USP53: variants seen among roughly 807,000 people sequenced by gnomAD.
The protein encoded by USP53 is ubiquitin carboxyl-terminal hydrolase 53.
USP53 carries 71 observed loss-of-function variants against 94.9 expected under a neutral mutation model. That is an observed-to-expected ratio of 0.75 (90% CI 0.62 to 0.91). The LOEUF is 0.91. Ranked by LOEUF, USP53 falls within the 40% of genes least tolerant of loss-of-function variation. USP53 has a pLI of 0.00. For synonymous variants in USP53, 375 were observed against 422.7 expected (o/e 0.89, Z 1.39); for missense variants, 1,173 against 1,281.0 (o/e 0.92, Z 1.29).
intron 17 of USP53, among the ~76,000 whole-genome samples, chr4:119,274,367 G>C (rs201394462): frequency 2.6e-5 from 4 of 151,414 alleles, no homozygotes; most frequent in South Asian, 4.2e-4. Flanking sequence ...CTGTTCTTGA[G>C]ATAGTTTACT....
At position 119,215,614 on chromosome 4, in the gene USP53, AT is replaced by A. The variant is rs577852648; in HGVS notation, c.-789+1401del. Among the ~76,000 whole-genome samples the A allele has an allele frequency of 7.0e-3, 1,056 of 150,538 alleles. 4 individuals carry two copies. The highest frequency in any genetic ancestry group is 0.012 in the Non-Finnish European group (793 of 67,554). On this transcript the variant is annotated intron_variant, in intron 2 of 18. Transcript: ENST00000692078. ...AATTGGTTTTCTTTGTGATCTTAGT[AT>A]TTTTTTTTCTTTTTCTTTTTTTTAT...
At position 119,239,765 on chromosome 4, in the gene USP53, A is replaced by G. The variant is rs543833629; in HGVS notation, c.6A>G (p.Ala2=). 4 of 1,607,564 alleles carry G rather than the reference A, an allele frequency of 2.5e-6. No homozygotes were observed. Among genetic ancestry groups the G allele is most frequent in the Admixed American group, 3.4e-5 (2 of 58,236 alleles). M[A]WVKFLRKPGG... ...GCAAACAAAGTTGCTTGAAAATGGCATGGGTAAAATTCTTACGGAAACCTG... is the reference window on the plus strand; with the variant it reads ...GCAAACAAAGTTGCTTGAAAATGGCGTGGGTAAAATTCTTACGGAAACCTG... The change falls in exon 5 of 19, where the codon GCA becomes GCG. Residue 2 remains alanine, a synonymous_variant. Transcript: ENST00000692078.
At chr4:119,275,727 T>G (rs1752541324) in intron 17 of USP53, among the ~76,000 whole-genome samples, 1 of 152,194 alleles carries the variant, frequency 6.6e-6, no homozygotes, top group Non-Finnish European at 1.5e-5. Context: ...TTCCTACCCA[T>G]GAGCATGGAA....
chr4:119,282,007 C>G (rs969464248), intron 17 of USP53, among the ~76,000 whole-genome samples: 2 of 152,048 alleles, frequency 1.3e-5, no homozygotes, highest in Non-Finnish European at 2.9e-5. Context: ...AATCACCATT[C>G]TACTTTTTGT....
At position 119,231,426 on chromosome 4, in the gene USP53, G is replaced by C. The variant is rs1249380118; in HGVS notation, c.-664-3864G>C. ...GCCATGTTGATCTAATATTGCCAGAGGGTATAATAGTATGATTACATTATT... is the reference window on the plus strand; with the variant it reads ...GCCATGTTGATCTAATATTGCCAGACGGTATAATAGTATGATTACATTATT... On this transcript the variant is annotated intron_variant, in intron 3 of 18. Transcript: ENST00000692078. Among the ~76,000 whole-genome samples the C allele has an allele frequency of 1.2e-4, 18 of 152,062 alleles. No individual in the cohort carries two copies. The East Asian group carries it at 3.5e-3, about 29-fold the overall frequency.
chr4:119,291,141 TCTCCC>T lies in USP53; in HGVS notation c.2252-22_2252-18del. ...AAATAATTTTGTTTTCCTCATCTCT[TCTCCC>T]CACCCCACCCAACCCTAGGCTTTAG... On this transcript the variant is annotated intron_variant, in intron 17 of 18. Coordinates refer to ENST00000692078, the MANE Select transcript of USP53 (RefSeq NM_001371395.1). 2 of 1,000,838 alleles carry T rather than the reference TCTCCC, an allele frequency of 2.0e-6. No individual in the cohort carries two copies. The highest frequency in any genetic ancestry group is 2.9e-6 in the Non-Finnish European group (2 of 683,908). 62.0% of individuals were successfully genotyped at this position (1,000,838 alleles called of 1,614,324 possible).
intron 3 of USP53, among the ~76,000 whole-genome samples, chr4:119,222,697 A>G (rs1245207485): frequency 6.6e-6 from 1 of 152,054 alleles, no homozygotes; most frequent in Non-Finnish European, 1.5e-5. Context: ...CCATTCATCC[A>G]TTGGCGGACT....
At chr4:119,222,595 A>G (rs1380388205) in intron 3 of USP53, among the ~76,000 whole-genome samples, 1 of 152,100 alleles carries the variant, frequency 6.6e-6, no homozygotes, top group Non-Finnish European at 1.5e-5. Flanking sequence ...AATATCCTTC[A>G]CTTCCATCCA....
intron 1 of USP53, among the ~76,000 whole-genome samples, chr4:119,213,660 A>ATATGTGTGTGTG: frequency 8.5e-6 from 1 of 117,782 alleles, no homozygotes; most frequent in African/African-American, 3.6e-5. Flanking sequence ...ATATATATAT[A>ATATGTGTGTGTG]TGTGTGTGTG....
intron 3 of USP53, among the ~76,000 whole-genome samples, chr4:119,227,300 A>ACACACACACACAC (rs1442892298): frequency 1.3e-3 from 59 of 43,912 alleles, no homozygotes; most frequent in Middle Eastern, 0.023. Context: ...CACACACACA[A>ACACACACACACAC]ACTTGAAATG....
chr4:119,287,230 A>C (rs1294934531), intron 17 of USP53, among the ~76,000 whole-genome samples: 1 of 152,060 alleles, frequency 6.6e-6, no homozygotes, highest in Non-Finnish European at 1.5e-5. Context: ...GCACGTATAT[A>C]ATCAGAGCGC....
chr4:119,274,444 T>C (rs1752317489), intron 17 of USP53, among the ~76,000 whole-genome samples: 1 of 152,098 alleles, frequency 6.6e-6, no homozygotes, highest in Non-Finnish European at 1.5e-5. Flanking sequence ...TTTTTATGGC[T>C]GCATAGTATT....
chr4:119,291,353 G>A, intron 18 of USP53, 92 bp downstream of exon 18: 1 of 746,140 alleles, frequency 1.3e-6, no homozygotes. Flanking sequence ...GAAAGCAATG[G>A]GTCTATAGTA....
intron 3 of USP53, chr4:119,221,546 T>G (rs1181758537): frequency 6.6e-6 from 1 of 152,098 alleles, no homozygotes; most frequent in Admixed American, 6.6e-5. Flanking sequence ...TTATCTGGTG[T>G]TGTAAGTTGC....
intron 13 of USP53, 88 bp downstream of exon 13, chr4:119,267,570 G>C: frequency 2.2e-6 from 3 of 1,351,342 alleles, no homozygotes; most frequent in Non-Finnish European, 3.0e-6. Context: ...AATGAATATA[G>C]AGGATAATTT....
chr4:119,229,925 G>A (rs910991520), intron 3 of USP53, among the ~76,000 whole-genome samples: 3 of 151,922 alleles, frequency 2.0e-5, no homozygotes, highest in Admixed American at 2.0e-4. Flanking sequence ...TGTCTACTTC[G>A]TACTTTATTG....
chr4:119,293,177 A>C lies in USP53; in HGVS notation c.3188A>C (p.Glu1063Ala), dbSNP rs867620611. ...YHQRPKLSFPESSGFCNNSLS is the reference protein window; with the variant it reads ...YHQRPKLSFPASSGFCNNSLS ...CAGAGGCCCAAGCTCTCTTTTCCAGAGAGCAGTGGCTTTTGTAATAATTCA... is the reference window on the plus strand; with the variant it reads ...CAGAGGCCCAAGCTCTCTTTTCCAGCGAGCAGTGGCTTTTGTAATAATTCA... Residue 1063 changes from glutamate to alanine, a missense_variant, in exon 19 of 19, where the codon GAG (glutamate) becomes GCG (alanine). Physicochemically the swap from Glu to Ala is moderately radical, Grantham distance 107. Transcript: ENST00000692078. 1.3e-5 allele frequency: 21 copies of C among 1,608,184 alleles called. 2 individuals carry two copies. The Middle Eastern group carries it at 3.2e-3, about 241-fold the overall frequency.
intron 2 of USP53, among the ~76,000 whole-genome samples, chr4:119,217,299 C>A (rs1017517984): frequency 1.3e-5 from 2 of 152,014 alleles, no homozygotes; most frequent in South Asian, 4.2e-4. Flanking sequence ...CAGATTGAGC[C>A]CTAAATTTTT....
At chr4:119,263,725 G>A (rs746543408) in intron 12 of USP53, among the ~76,000 whole-genome samples, 24 of 152,048 alleles carry the variant, frequency 1.6e-4, no homozygotes, top group Admixed American at 7.2e-4. Flanking sequence ...TTGATAATGG[G>A]GCTAAGTTAT....
Sources: allele counts gnomAD v4.1 joint callset (sites outside exome capture counted in the v4.1 genomes callset), GRCh38; gene constraint gnomAD v4.1.1; transcripts MANE v1.5; gene names NCBI Gene and HGNC (gene_info 2026-07-23, HGNC 2026-07-21).